The following DNAL1 variants were observed in gnomAD, a reference collection of about 807,000 sequenced individuals.
The protein encoded by DNAL1 is dynein axonemal light chain 1.
Under a neutral mutation model 29.4 loss-of-function variants are expected in DNAL1, and 17 were observed. The ratio of observed to expected loss-of-function variants is 0.58; its 90% confidence interval spans 0.40 to 0.87. The LOEUF is 0.87. Among genes scored for constraint, DNAL1 ranks in the 40% least tolerant of loss-of-function variants. The pLI is 0.00. For synonymous variants in DNAL1, 78 were observed against 76.3 expected (o/e 1.02, Z -0.12); for missense variants, 188 against 214.1 (o/e 0.88, Z 0.76).
chr14:73,689,162 T>C (rs980997012), intron 6 of DNAL1, among the ~76,000 whole-genome samples: 1 of 150,926 alleles, frequency 6.6e-6, no homozygotes, highest in African/African-American at 2.4e-5. Context: ...GCCTCCTGAG[T>C]AGCTGGGACT....
chr14:73,689,026 G>GTTTT (rs71112794), intron 6 of DNAL1, among the ~76,000 whole-genome samples: 43 of 92,272 alleles, frequency 4.7e-4, no homozygotes, highest in African/African-American at 1.3e-3. Flanking sequence ...AAAACTTGCT[G>GTTTT]TTTTTTTTTT....
chr14:73,679,976 G>A (rs1891838586), intron 5 of DNAL1, among the ~76,000 whole-genome samples: 1 of 151,776 alleles, frequency 6.6e-6, no homozygotes, highest in African/African-American at 2.4e-5. Context: ...ATATGCATGG[G>A]TAGGTTCCTG....
At position 73,689,492 on chromosome 14, in the gene DNAL1, T is replaced by C; in HGVS notation, c.509T>C (p.Val170Ala). 6.3e-7 allele frequency: 1 copy of C among 1,587,126 alleles called. No homozygotes were observed. The highest frequency in any genetic ancestry group is 8.6e-7 in the Non-Finnish European group (1 of 1,166,348). ...TGGATTGAAGAAGCAACCAAGAGAG[T>C]GCCCAAACTGAAAAAGCTGGATGGT... ...NNWIEEATKR[V>A]PKLKKLDGTP... Residue 170 changes from valine to alanine, a missense_variant, in exon 7 of 8, where the codon GTG (valine) becomes GCG (alanine). By Grantham distance (64) the Val-to-Ala change is moderately conservative. Transcript: ENST00000553645.
chr14:73,667,303 A>G (rs558670622), intron 4 of DNAL1, among the ~76,000 whole-genome samples: 27 of 152,212 alleles, frequency 1.8e-4, no homozygotes, highest in African/African-American at 6.3e-4. Flanking sequence ...CTCTACTAAA[A>G]ATACAAAAAA....
rs1355754170 is a variant in DNAL1 at position 73,695,982 on chromosome 14, A to G, written c.*40A>G. ...CTGTGTGTTAACTTATTTAAATGTC[A>G]TAAGAACAATAGATAAATTTTATAT... is the stretch of plus-strand genomic sequence containing the variant. On this transcript the variant is annotated 3_prime_UTR_variant, in exon 8 of 8. Coordinates refer to ENST00000553645, the MANE Select transcript of DNAL1 (RefSeq NM_031427.4). 2.0e-6 allele frequency: 3 copies of G among 1,513,634 alleles called. No homozygotes were observed. The highest frequency in any genetic ancestry group is 9.0e-7 in the Non-Finnish European group (1 of 1,113,840). The allele number at this position is 1,513,634 out of a possible 1,614,324, so 93.8% of individuals were successfully genotyped here. A position where few individuals can be genotyped will look rare whatever the true frequency, so the allele number is the denominator to read the frequency against.
chr14:73,675,158 CATT>C (rs1891700964), intron 5 of DNAL1, among the ~76,000 whole-genome samples: 2 of 151,884 alleles, frequency 1.3e-5, no homozygotes, highest in South Asian at 4.2e-4. Flanking sequence ...TCATGTTACT[CATT>C]ATTACCTGAA....
intron 5 of DNAL1, among the ~76,000 whole-genome samples, chr14:73,683,859 C>A (rs1380838056): frequency 6.6e-6 from 1 of 152,048 alleles, no homozygotes; most frequent in East Asian, 1.9e-4. Context: ...AGGTGCCCAC[C>A]ACCACACCTG....
intron 5 of DNAL1, among the ~76,000 whole-genome samples, chr14:73,678,511 C>CTTTTTTTTT (rs11379191): frequency 1.7e-5 from 2 of 118,190 alleles, no homozygotes; most frequent in African/African-American, 3.2e-5. Flanking sequence ...AGCAGGTATT[C>CTTTTTTTTT]TTTTTTTTTT....
chr14:73,649,738 AC>A (rs1891071155), intron 1 of DNAL1, among the ~76,000 whole-genome samples: 1 of 152,042 alleles, frequency 6.6e-6, no homozygotes, highest in Non-Finnish European at 1.5e-5. Context: ...AGTAATTGTT[AC>A]CTTCTAATAT....
intron 5 of DNAL1, among the ~76,000 whole-genome samples, chr14:73,672,607 CAAA>C (rs35746041): frequency 2.7e-4 from 20 of 75,242 alleles, no homozygotes; most frequent in African/African-American, 4.4e-4. Context: ...GACTCTGTCT[CAAA>C]AAAAAAAAAA....
Position 73,687,379 on chromosome 14 carries a change from G to C in DNAL1, c.385G>C (p.Asp129His). The C allele has an allele frequency of 6.3e-7, 1 of 1,599,032 alleles. No homozygotes were observed. Among genetic ancestry groups the C allele is most frequent in the South Asian group, 1.1e-5 (1 of 87,572 alleles). Reference sequence around the variant, plus strand: ...CTACATGTCTAATAACCTGGTAAAAGACTGGGGTAAGCTGAGAGTGGCCCT... The same window carrying C: ...CTACATGTCTAATAACCTGGTAAAACACTGGGGTAAGCTGAGAGTGGCCCT... The part of the protein sequence containing the change: ...ILYMSNNLVK[D>H]WAEFVKLAEL... The change falls in exon 6 of 8, where the codon GAC (aspartate) becomes CAC (histidine). Residue 129 changes from aspartate to histidine, a missense_variant. Transcript: ENST00000553645.
intron 6 of DNAL1, 64 bp downstream of exon 6, chr14:73,687,449 GA>G (rs1488838057): frequency 2.8e-6 from 4 of 1,447,408 alleles, no homozygotes; most frequent in Non-Finnish European, 3.6e-6. Flanking sequence ...GTCCGAGAGG[GA>G]AAAGATGCAA....
In DNAL1 at chr14:73,687,259, G is replaced by T. The variant is rs759538255; in HGVS notation, c.265G>T (p.Glu89Ter). The T allele has an allele frequency of 8.7e-6, 14 of 1,610,362 alleles. No homozygotes were observed. Among genetic ancestry groups the T allele is most frequent in the Non-Finnish European group, 1.2e-5 (14 of 1,179,054 alleles). Residue 89 changes from glutamate (E) to a stop codon, truncating the protein, a stop_gained and splice_region_variant, in exon 6 of 8, where the codon GAG (glutamate) becomes TAG (stop). Transcript: ENST00000553645. LOFTEE classifies it high-confidence loss of function. ...TAAATCAAATTTTGTTCTTTTTCAGGAGGCAGTAGGGGACACATTAGAAGA... is the reference window on the plus strand; with the variant it reads ...TAAATCAAATTTTGTTCTTTTTCAGTAGGCAGTAGGGGACACATTAGAAGA... The part of the protein sequence containing the change: ...RNNIKNLNGL[E>*]AVGDTLEELW...
chr14:73,646,220 T>A (rs1453253614), intron 1 of DNAL1, among the ~76,000 whole-genome samples: 1 of 152,202 alleles, frequency 6.6e-6, no homozygotes, highest in Non-Finnish European at 1.5e-5. Flanking sequence ...CCATGGTGAT[T>A]GTTGAAAATC....
rs1368121021 is a variant in DNAL1, at chr14:73,703,517, TC to T, written c.*7580del. 4.6e-5 allele frequency: 7 copies of T among 152,124 alleles called. No individual in the cohort carries two copies. The highest frequency in any genetic ancestry group is 3.3e-4 in the Admixed American group (5 of 15,272). The allele number at this position is 152,124 out of a possible 1,614,324, so 9.4% of individuals were successfully genotyped here. On this transcript the variant is annotated 3_prime_UTR_variant, in exon 8 of 8. Coordinates refer to ENST00000553645, the MANE Select transcript of DNAL1 (RefSeq NM_031427.4). ...TAACTGATCAATGTACTTTGTAATCTCCCCCACCCTTAAGAAGGTTCTTTTT... is the reference window on the plus strand; with the variant it reads ...TAACTGATCAATGTACTTTGTAATCTCCCCACCCTTAAGAAGGTTCTTTTT...
chr14:73,646,724 T>G lies in DNAL1; in HGVS notation c.3+1682T>G, dbSNP rs139698591. On this transcript the variant is annotated intron_variant, in intron 1 of 7. Coordinates refer to ENST00000553645, the MANE Select transcript of DNAL1 (RefSeq NM_031427.4). Reference sequence around the variant, plus strand: ...TTGCAGTGAGCTGAGATCGCACCACTGCACTCCAGCCTGAGCAACAGAGCA... The same window carrying G: ...TTGCAGTGAGCTGAGATCGCACCACGGCACTCCAGCCTGAGCAACAGAGCA... Among the ~76,000 whole-genome samples, 777 of 152,246 alleles carry G rather than the reference T, an allele frequency of 5.1e-3. 31 individuals carry two copies. Among genetic ancestry groups the G allele is most frequent in the Admixed American group, 0.04 (611 of 15,284 alleles).
intron 6 of DNAL1, 64 bp downstream of exon 6, chr14:73,687,449 G>C: frequency 6.9e-7 from 1 of 1,447,412 alleles, no homozygotes; most frequent in Non-Finnish European, 9.1e-7. Context: ...GTCCGAGAGG[G>C]AAAAGATGCA....
intron 1 of DNAL1, among the ~76,000 whole-genome samples, chr14:73,654,119 C>T (rs1040670876): frequency 6.6e-6 from 1 of 152,098 alleles, no homozygotes; most frequent in Admixed American, 6.6e-5. Context: ...TTCACCACTG[C>T]CACCTACCCA....
chr14:73,675,577 G>A (rs2140046229), intron 5 of DNAL1, among the ~76,000 whole-genome samples: 1 of 151,974 alleles, frequency 6.6e-6, no homozygotes, highest in South Asian at 2.1e-4. Context: ...CAAAGTGCCA[G>A]AATTACAGGC....
Sources: allele counts gnomAD v4.1 joint callset (sites outside exome capture counted in the v4.1 genomes callset), GRCh38; gene constraint gnomAD v4.1.1; transcripts MANE v1.5; gene names NCBI Gene and HGNC (gene_info 2026-07-23, HGNC 2026-07-21).